The following UNC5C variants were observed in gnomAD, a reference collection of about 807,000 sequenced individuals.
UNC5C encodes unc-5 netrin receptor C.
In UNC5C, 47 loss-of-function variants were observed where a neutral mutation model predicts 99.8. That is an observed-to-expected ratio of 0.47 (90% CI 0.37 to 0.60). The LOEUF (loss-of-function observed/expected upper bound fraction) is 0.60, where lower values mean the gene tolerates loss of function less well. Ranked by LOEUF, UNC5C falls within the 20% of genes least tolerant of loss-of-function variation. The pLI, the probability that UNC5C is intolerant of heterozygous loss-of-function variation, is 0.00. For missense variants in UNC5C, 1,062 were observed against 1,165.9 expected, an observed-to-expected ratio of 0.91 and a Z score of 1.30; for synonymous variants, 487 against 452.2, an observed-to-expected ratio of 1.08 and a Z score of -0.98.
chr4:95,254,067 G>T (rs1579270278), intron 4 of UNC5C, among the ~76,000 whole-genome samples: 2 of 152,110 alleles, frequency 1.3e-5, no homozygotes, highest in South Asian at 4.2e-4. Context: ...TCTGGGGATG[G>T]GTAAGTGCTG....
At chr4:95,442,916 A>G (rs1746993930) in intron 1 of UNC5C, among the ~76,000 whole-genome samples, 1 of 152,136 alleles carries the variant, frequency 6.6e-6, no homozygotes, top group Non-Finnish European at 1.5e-5. Flanking sequence ...TCATAATGGT[A>G]ACGCTGGCAG....
intron 15 of UNC5C, 107 bp from the exon 16 acceptor site, chr4:95,169,506 A>T (rs1011884531): frequency 3.4e-5 from 44 of 1,301,274 alleles, no homozygotes; most frequent in Non-Finnish European, 4.4e-5. Context: ...TCCTGGTCCC[A>T]TTGTGGCTGA....
chr4:95,291,541 A>G (rs1025133633), intron 3 of UNC5C, among the ~76,000 whole-genome samples: 1 of 152,176 alleles, frequency 6.6e-6, no homozygotes, highest in Non-Finnish European at 1.5e-5. Context: ...TGTTCTATGA[A>G]TTCGTTGTCT....
intron 1 of UNC5C, among the ~76,000 whole-genome samples, chr4:95,344,797 T>A (rs747383353): frequency 6.6e-6 from 1 of 152,064 alleles, no homozygotes; most frequent in Non-Finnish European, 1.5e-5. Flanking sequence ...GATGACAAGA[T>A]ATCATTTACA....
chr4:95,464,346 C>T (rs768411557), intron 1 of UNC5C, among the ~76,000 whole-genome samples: 2 of 152,162 alleles, frequency 1.3e-5, no homozygotes, highest in Non-Finnish European at 2.9e-5. Flanking sequence ...AATGAAATTG[C>T]TACTGCTGTT....
At chr4:95,547,639 G>C (rs370627490) in intron 1 of UNC5C, among the ~76,000 whole-genome samples, 3 of 152,226 alleles carry the variant, frequency 2.0e-5, no homozygotes, top group African/African-American at 4.8e-5. Flanking sequence ...TATCACCACT[G>C]AAGTGGGCTA....
At chr4:95,394,155 C>G (rs1745441705) in intron 1 of UNC5C, among the ~76,000 whole-genome samples, 2 of 152,118 alleles carry the variant, frequency 1.3e-5, no homozygotes, top group African/African-American at 4.8e-5. Context: ...TATTGCTTCT[C>G]CATTTGATTT....
chr4:95,344,945 G>T (rs1282193984), intron 1 of UNC5C, among the ~76,000 whole-genome samples: 2 of 151,966 alleles, frequency 1.3e-5, no homozygotes, highest in Admixed American at 1.3e-4. Context: ...GAAGATGACT[G>T]CAAAACAAAC....
At chr4:95,296,262 G>A (rs975619382) in intron 3 of UNC5C, among the ~76,000 whole-genome samples, 1 of 151,954 alleles carries the variant, frequency 6.6e-6, no homozygotes, top group Admixed American at 6.6e-5. Context: ...GGGTTCCTTC[G>A]GTACACACAT....
At chr4:95,523,909 C>T (rs975550977) in intron 1 of UNC5C, among the ~76,000 whole-genome samples, 4 of 150,778 alleles carry the variant, frequency 2.7e-5, no homozygotes, top group Non-Finnish European at 5.9e-5. Flanking sequence ...ATTTTTTTTC[C>T]TGGAAGAAAA....
chr4:95,547,123 A>G (rs1327726337), intron 1 of UNC5C, among the ~76,000 whole-genome samples: 2 of 151,924 alleles, frequency 1.3e-5, no homozygotes, highest in Admixed American at 6.6e-5. Context: ...GAAATCCACA[A>G]GCTATGATTC....
rs919332254 is a variant in UNC5C at position 95,222,339 on chromosome 4, T to C, written c.1109-2163A>G. On this transcript the variant is annotated intron_variant, in intron 7 of 15. Coordinates refer to ENST00000453304, the MANE Select transcript of UNC5C (RefSeq NM_003728.4). Reference sequence around the variant, plus strand: ...AATGAGGGAAAGAAAATAGGAAGCATGAAAAATGGTTTAATTAAAAGGAAA... The same window carrying C: ...AATGAGGGAAAGAAAATAGGAAGCACGAAAAATGGTTTAATTAAAAGGAAA... The C allele has an allele frequency of 1.2e-5, 10 of 839,028 alleles. No individual in the cohort carries two copies. The African/African-American group carries it at 1.4e-4, about 12-fold the overall frequency. 52.0% of individuals were successfully genotyped at this position (839,028 alleles called of 1,614,324 possible).
chr4:95,363,021 C>T (rs1744443590), intron 1 of UNC5C, among the ~76,000 whole-genome samples: 1 of 151,962 alleles, frequency 6.6e-6, no homozygotes, highest in African/African-American at 2.4e-5. Flanking sequence ...TAAACATCAC[C>T]CCCTGGAGTT....
At chr4:95,349,231 C>T (rs6532550) in intron 1 of UNC5C, among the ~76,000 whole-genome samples, 116,259 of 149,632 alleles carry the variant, frequency 0.78, 45,783 homozygotes, top group East Asian at 1. Flanking sequence ...ATACATCTCA[C>T]GTACCCCATA....
chr4:95,224,950 G>C (rs559410324), intron 7 of UNC5C, among the ~76,000 whole-genome samples: 3 of 151,530 alleles, frequency 2.0e-5, no homozygotes, highest in Non-Finnish European at 4.4e-5. Context: ...GATGAGAAAC[G>C]ACAATAAATA....
chr4:95,492,400 A>G (rs753940351), intron 1 of UNC5C, among the ~76,000 whole-genome samples: 4 of 151,344 alleles, frequency 2.6e-5, no homozygotes, highest in African/African-American at 4.8e-5. Flanking sequence ...TAAAATTAAC[A>G]TGGAATAATC....
intron 1 of UNC5C, among the ~76,000 whole-genome samples, chr4:95,343,255 G>T (rs745369312): frequency 6.6e-6 from 1 of 152,220 alleles, no homozygotes. Flanking sequence ...CCCAGTGTTG[G>T]GTAGAGACAG....
chr4:95,274,906 A>C (rs1740799932), intron 4 of UNC5C, among the ~76,000 whole-genome samples: 2 of 152,032 alleles, frequency 1.3e-5, no homozygotes, highest in South Asian at 4.1e-4. Context: ...TGCGCCTGTA[A>C]TTCCAGCTAC....
intron 3 of UNC5C, among the ~76,000 whole-genome samples, chr4:95,280,053 T>C (rs982870297): frequency 6.6e-6 from 1 of 152,148 alleles, no homozygotes; most frequent in African/African-American, 2.4e-5. Flanking sequence ...TAATGCTCAC[T>C]AGCCTGCTCA....
Sources: allele counts gnomAD v4.1 joint callset (sites outside exome capture counted in the v4.1 genomes callset), GRCh38; gene constraint gnomAD v4.1.1; transcripts MANE v1.5; gene names NCBI Gene and HGNC (gene_info 2026-07-23, HGNC 2026-07-21).